Variants in SOX5 observed in about 807,000 individuals in gnomAD.
The protein encoded by SOX5 is transcription factor SOX-5.
In SOX5, 9 loss-of-function variants were observed where a neutral mutation model predicts 92.0. The observed-to-expected ratio is 0.10, with a 90% CI of 0.06 to 0.17. SOX5 has a LOEUF of 0.17. SOX5 is among the 10% of genes least tolerant of loss of function. SOX5 has a pLI of 1.00. For missense variants in SOX5, 642 were observed against 944.5 expected (o/e 0.68, Z 4.20); for synonymous variants, 344 against 336.3 (o/e 1.02, Z -0.25).
chr12:24,512,815 C>G (rs147528525), intron 1 of SOX5, among the ~76,000 whole-genome samples: 2 of 152,144 alleles, frequency 1.3e-5, no homozygotes, highest in Non-Finnish European at 2.9e-5. Flanking sequence ...TCAAGGAGAA[C>G]CTGTCAACCA....
Position 23,734,749 on chromosome 12 carries a change from C to A in SOX5, c.745G>T (p.Ala249Ser), listed in dbSNP as rs2093523024. 1 of 1,612,696 alleles carries A rather than the reference C, an allele frequency of 6.2e-7. No individual in the cohort carries two copies. Among genetic ancestry groups the A allele is most frequent in the Non-Finnish European group, 8.5e-7 (1 of 1,179,220 alleles). ...ELAKQQQEQI[A>S]RQQQQLLQQQ... ...TGTAGAAGCTGCTGCTGCTGTCTTG[C>A]AATCTGTGAAGAAATTGCACATGAG... Residue 249 changes from alanine to serine, a missense_variant, in exon 6 of 15, where the codon GCA becomes TCA. Physicochemically the swap from Ala to Ser is moderately conservative, Grantham distance 99. Coordinates refer to ENST00000451604, the MANE Select transcript of SOX5 (RefSeq NM_006940.6).
At chr12:24,409,292 T>A (rs897647013) in intron 1 of SOX5, among the ~76,000 whole-genome samples, 1 of 151,848 alleles carries the variant, frequency 6.6e-6, no homozygotes, top group Non-Finnish European at 1.5e-5. Flanking sequence ...TGAGAACACA[T>A]GGACACAGAG....
intron 8 of SOX5, among the ~76,000 whole-genome samples, chr12:23,626,307 T>C (rs1345746938): frequency 6.6e-6 from 1 of 152,164 alleles, no homozygotes; most frequent in Non-Finnish European, 1.5e-5. Flanking sequence ...ACTTGTCATT[T>C]ACTTATTTAT....
At chr12:23,620,575 T>A (rs1320927621) in intron 8 of SOX5, among the ~76,000 whole-genome samples, 1 of 152,078 alleles carries the variant, frequency 6.6e-6, no homozygotes, top group Non-Finnish European at 1.5e-5. Flanking sequence ...AAATTCATGG[T>A]GGCCAACCTC....
At chr12:24,387,873 G>A (rs1427074746) in intron 1 of SOX5, among the ~76,000 whole-genome samples, 1 of 152,076 alleles carries the variant, frequency 6.6e-6, no homozygotes, top group Admixed American at 6.6e-5. Context: ...TTCACATGGG[G>A]TTGAATCCCA....
At chr12:23,724,093 T>C (rs2092981030) in intron 6 of SOX5, among the ~76,000 whole-genome samples, 1 of 152,190 alleles carries the variant, frequency 6.6e-6, no homozygotes, top group African/African-American at 2.4e-5. Flanking sequence ...TAAATTACTT[T>C]TAAAAAAATA....
chr12:24,433,374 G>A (rs1278304020), intron 1 of SOX5, among the ~76,000 whole-genome samples: 1 of 152,178 alleles, frequency 6.6e-6, no homozygotes, highest in African/African-American at 2.4e-5. Flanking sequence ...GTTTTTTGAA[G>A]CAGTCAGTAA....
rs1189820109 is a variant in SOX5, at chr12:23,620,597, A to G, written c.1018-16064T>C. Among the ~76,000 whole-genome samples, 8 of 152,176 alleles carry G rather than the reference A, an allele frequency of 5.3e-5. No homozygotes were observed. The East Asian group carries it at 1.5e-3, about 29-fold the overall frequency. On this transcript the variant is annotated intron_variant, in intron 8 of 14. Transcript: ENST00000451604. ...TGGTGGCCAACCTCGATTTTTCTAGACCATTTGAAAAAGAAAAAGGTATAG... is the reference window on the plus strand; with the variant it reads ...TGGTGGCCAACCTCGATTTTTCTAGGCCATTTGAAAAAGAAAAAGGTATAG...
At chr12:23,976,837 A>T (rs147635847) in intron 4 of SOX5, among the ~76,000 whole-genome samples, 3,832 of 152,152 alleles carry the variant, frequency 0.025, 62 homozygotes, top group Middle Eastern at 0.071. Context: ...TTAAAACAAA[A>T]ACAAAAACAG....
chr12:23,582,068 G>T, intron 9 of SOX5: 1 of 776,036 alleles, frequency 1.3e-6, no homozygotes, highest in Non-Finnish European at 1.6e-6. Flanking sequence ...TCATGCTGCT[G>T]CTATTATCCT....
In SOX5 at chr12:23,669,885, A is replaced by G. The variant is rs188996138; in HGVS notation, c.811-4321T>C. Among the ~76,000 whole-genome samples the G allele has an allele frequency of 5.5e-4, 83 of 152,116 alleles. 1 individual carries two copies. The highest frequency in any genetic ancestry group is 2.0e-3 in the African/African-American group (82 of 41,514). Reference sequence around the variant, plus strand: ...GCAGTTATTTTTCCAGCAGATGGACACTCCAGTCCGAAGCTGAGGGAGGAG... The same window carrying G: ...GCAGTTATTTTTCCAGCAGATGGACGCTCCAGTCCGAAGCTGAGGGAGGAG... On this transcript the variant is annotated intron_variant, in intron 6 of 14. Coordinates refer to ENST00000451604, the MANE Select transcript of SOX5 (RefSeq NM_006940.6).
At chr12:24,139,520 C>T (rs1169272253) in intron 4 of SOX5, among the ~76,000 whole-genome samples, 2 of 152,188 alleles carry the variant, frequency 1.3e-5, no homozygotes, top group Non-Finnish European at 2.9e-5. Flanking sequence ...TTGGTCAAAA[C>T]AAATGATGGG....
intron 6 of SOX5, among the ~76,000 whole-genome samples, chr12:23,671,345 C>T (rs2084750351): frequency 6.6e-6 from 1 of 152,172 alleles, no homozygotes; most frequent in African/African-American, 2.4e-5. Context: ...TGTTCAAATA[C>T]ACATCATCCT....
intron 3 of SOX5, among the ~76,000 whole-genome samples, chr12:23,775,893 C>T (rs2095082502): frequency 6.6e-6 from 1 of 152,146 alleles, no homozygotes; most frequent in Admixed American, 6.5e-5. Context: ...CCACGGTCTC[C>T]AACCTTTTTG....
At chr12:24,264,615 G>T (rs565122584) in intron 3 of SOX5, among the ~76,000 whole-genome samples, 2 of 151,984 alleles carry the variant, frequency 1.3e-5, no homozygotes, top group Non-Finnish European at 2.9e-5. Flanking sequence ...GCATCCTTTC[G>T]TTAGAATAAT....
intron 9 of SOX5, among the ~76,000 whole-genome samples, chr12:23,585,885 G>A (rs186983416): frequency 3.9e-5 from 6 of 152,144 alleles, no homozygotes; most frequent in Non-Finnish European, 7.4e-5. Flanking sequence ...TCATGGCAAC[G>A]GCCAGGTAAA....
intron 9 of SOX5, among the ~76,000 whole-genome samples, chr12:23,582,662 A>C (rs1311935450): frequency 2.0e-5 from 3 of 152,092 alleles, no homozygotes; most frequent in African/African-American, 4.8e-5. Context: ...TTGCTGTGTT[A>C]ATGCTACCAT....
At chr12:23,683,486 T>C (rs556814729) in intron 6 of SOX5, among the ~76,000 whole-genome samples, 5 of 151,892 alleles carry the variant, frequency 3.3e-5, no homozygotes, top group Non-Finnish European at 7.4e-5. Flanking sequence ...ACTACTGTTT[T>C]TCATTTATTA....
At position 23,850,993 on chromosome 12, in the gene SOX5, C is replaced by T. The variant is rs569193264; in HGVS notation, c.271-4800G>A. The stretch of plus-strand genomic sequence containing the variant: ...TGGATTCCAGGTTAAGGAATGTATA[C>T]CTGACCTAAATATATACCTTCATAG... On this transcript the variant is annotated intron_variant, in intron 2 of 14. Coordinates refer to ENST00000451604, the MANE Select transcript of SOX5 (RefSeq NM_006940.6). 3.3e-5 allele frequency among the ~76,000 whole-genome samples: 5 copies of T among 152,060 alleles called. No individual in the cohort carries two copies. The South Asian group carries it at 1.0e-3, about 32-fold the overall frequency.
Sources: allele counts gnomAD v4.1 joint callset (sites outside exome capture counted in the v4.1 genomes callset), GRCh38; gene constraint gnomAD v4.1.1; transcripts MANE v1.5; gene names NCBI Gene and HGNC (gene_info 2026-07-23, HGNC 2026-07-21).